The following ECPAS variants were observed in gnomAD, a reference collection of about 807,000 sequenced individuals.
The protein encoded by ECPAS is Ecm29 proteasome adaptor and scaffold, also known as proteasome adapter and scaffold protein ECM29.
Under a neutral mutation model 255.1 loss-of-function variants are expected in ECPAS, and 70 were observed. That is an observed-to-expected ratio of 0.27 (90% CI 0.23 to 0.33). ECPAS has a LOEUF of 0.33. Among genes scored for constraint, ECPAS ranks in the 10% least tolerant of loss-of-function variants. The pLI is 1.00. For synonymous variants in ECPAS, 784 were observed against 775.0 expected (o/e 1.01, Z -0.19); for missense variants, 1,817 against 2,206.4 (o/e 0.82, Z 3.54).
At chr9:111,397,285 G>T in intron 24 of ECPAS, 132 bp from the exon 25 acceptor site, 1 of 1,076,442 alleles carries the variant, frequency 9.3e-7, no homozygotes, top group Non-Finnish European at 1.3e-6. Context: ...GTTTGCTTTC[G>T]GCTAATTCAA....
intron 41 of ECPAS, 50 bp downstream of exon 41, chr9:111,373,120 G>A: frequency 4.4e-6 from 6 of 1,360,526 alleles, no homozygotes; most frequent in Non-Finnish European, 6.3e-6. Flanking sequence ...GTTTTACTGG[G>A]CTGTTAACAT....
At chr9:111,468,789 A>G (rs1042326417) in intron 2 of ECPAS, among the ~76,000 whole-genome samples, 4 of 152,112 alleles carry the variant, frequency 2.6e-5, no homozygotes, top group Middle Eastern at 3.4e-3. Context: ...GGGAATTCAC[A>G]AAAATTGGAA....
At chr9:111,473,784 T>C (rs574713336) in intron 1 of ECPAS, among the ~76,000 whole-genome samples, 8 of 152,208 alleles carry the variant, frequency 5.3e-5, no homozygotes, top group South Asian at 2.1e-4. Flanking sequence ...CTGGGCAACA[T>C]AGCCAAACCC....
At chr9:111,418,494 G>A (rs1396521498) in intron 16 of ECPAS, among the ~76,000 whole-genome samples, 1 of 152,062 alleles carries the variant, frequency 6.6e-6, no homozygotes, top group Non-Finnish European at 1.5e-5. Flanking sequence ...CCTAGAGACT[G>A]ATCTCAGCAA....
chr9:111,407,253 T>C (rs1318882775), intron 24 of ECPAS, among the ~76,000 whole-genome samples: 1 of 146,304 alleles, frequency 6.8e-6, no homozygotes, highest in Non-Finnish European at 1.5e-5. Context: ...AATACAAATA[T>C]TAGCCAGGTG....
intron 7 of ECPAS, among the ~76,000 whole-genome samples, chr9:111,436,712 C>CA (rs1368279053): frequency 6.6e-6 from 1 of 152,100 alleles, no homozygotes; most frequent in Non-Finnish European, 1.5e-5. Context: ...TTATACTTGA[C>CA]ATATGTAAGC....
At chr9:111,415,110 T>C (rs2098201162) in intron 18 of ECPAS, among the ~76,000 whole-genome samples, 1 of 151,916 alleles carries the variant, frequency 6.6e-6, no homozygotes, top group African/African-American at 2.4e-5. Context: ...GGTAATGAAA[T>C]AGTATATACA....
intron 25 of ECPAS, 107 bp downstream of exon 25, chr9:111,396,923 T>A: frequency 1.4e-6 from 2 of 1,381,256 alleles, no homozygotes; most frequent in South Asian, 2.5e-5. Context: ...ATATAAATAT[T>A]TGAAAACAGT....
intron 1 of ECPAS, among the ~76,000 whole-genome samples, chr9:111,475,483 C>T (rs542089049): frequency 6.6e-6 from 1 of 152,230 alleles, no homozygotes; most frequent in African/African-American, 2.4e-5. Flanking sequence ...GCCAATAATC[C>T]CAGCACTTTG....
At chr9:111,463,908 A>G (rs2098276138) in intron 2 of ECPAS, among the ~76,000 whole-genome samples, 1 of 152,162 alleles carries the variant, frequency 6.6e-6, no homozygotes, top group Non-Finnish European at 1.5e-5. Context: ...GAAGAGGAAC[A>G]TACCCTTCCA....
intron 22 of ECPAS, 85 bp downstream of exon 22, chr9:111,410,895 C>A: frequency 7.7e-7 from 1 of 1,304,320 alleles, no homozygotes; most frequent in Non-Finnish European, 1.1e-6. Context: ...AATACAATGC[C>A]ATAAAAAGAA....
intron 16 of ECPAS, among the ~76,000 whole-genome samples, chr9:111,419,326 A>G (rs1046347461): frequency 6.6e-6 from 1 of 152,344 alleles, no homozygotes; most frequent in African/African-American, 2.4e-5. Context: ...CTAAACGTTA[A>G]ATGTAGTAAT....
intron 18 of ECPAS, 107 bp downstream of exon 18, chr9:111,416,165 A>T: frequency 1.4e-6 from 1 of 718,772 alleles, no homozygotes; most frequent in Non-Finnish European, 2.4e-6. Flanking sequence ...TGACACCACA[A>T]TATGGGTTTA....
In ECPAS at chr9:111,420,671, A is replaced by G. The variant is rs371822718; in HGVS notation, c.1456-551T>C. On this transcript the variant is annotated intron_variant, in intron 15 of 49. Coordinates refer to ENST00000684092, the MANE Select transcript of ECPAS (RefSeq NM_001364929.1). ...ACTAAGATTAATAATCTGTAACTACAAAGTTCAACCAGAAAAGTAGTTTTA... is the reference window on the plus strand; with the variant it reads ...ACTAAGATTAATAATCTGTAACTACGAAGTTCAACCAGAAAAGTAGTTTTA... 7.2e-5 allele frequency among the ~76,000 whole-genome samples: 11 copies of G among 152,238 alleles called. No individual in the cohort carries two copies. The East Asian group carries it at 1.2e-3, about 16-fold the overall frequency.
chr9:111,427,922 CATT>C (rs759254047), intron 10 of ECPAS, 117 bp downstream of exon 10: 6 of 755,182 alleles, frequency 7.9e-6, no homozygotes, highest in East Asian at 6.5e-5. Flanking sequence ...AAAAGAATCT[CATT>C]AATCTTGTTA....
At chr9:111,482,490 G>T (rs946453779) in intron 1 of ECPAS, among the ~76,000 whole-genome samples, 3 of 152,156 alleles carry the variant, frequency 2.0e-5, no homozygotes, top group East Asian at 1.9e-4. Context: ...CATACATTAC[G>T]TGTATAACTA....
At chr9:111,383,392 T>A in intron 34 of ECPAS, 60 bp from the exon 35 acceptor site, 5 of 1,545,338 alleles carry the variant, frequency 3.2e-6, no homozygotes, top group Non-Finnish European at 4.4e-6. Context: ...AAAGAATTCA[T>A]CTGACAAAAG....
At chr9:111,433,446 A>T (rs974740023) in intron 7 of ECPAS, 74 bp from the exon 8 acceptor site, 7 of 1,516,534 alleles carry the variant, frequency 4.6e-6, no homozygotes, top group Non-Finnish European at 6.4e-6. Context: ...ACTGCTTAAC[A>T]TATCAGTGTG....
intron 28 of ECPAS, among the ~76,000 whole-genome samples, 163 bp from the exon 29 acceptor site, chr9:111,391,987 T>A (rs772253322): frequency 2.0e-5 from 3 of 152,198 alleles, no homozygotes; most frequent in Non-Finnish European, 4.4e-5. Context: ...ACACCTATAA[T>A]CCCAGCACTT....
Sources: gnomAD v4.1 joint callset for allele counts (sites outside exome capture counted in the v4.1 genomes callset) on GRCh38, gnomAD v4.1.1 for gene constraint, MANE v1.5 for transcripts, NCBI Gene and HGNC (gene_info 2026-07-23, HGNC 2026-07-21) for gene names.